Variants in ICA1 observed in about 807,000 individuals in gnomAD.
The protein encoded by ICA1 is 69 kDa islet cell autoantigen.
A neutral mutation model predicts 71.0 loss-of-function variants in ICA1; 40 were observed. That is an observed-to-expected ratio of 0.56 (90% CI 0.44 to 0.73). The LOEUF (loss-of-function observed/expected upper bound fraction) is 0.73. Among genes scored for constraint, ICA1 ranks in the 30% least tolerant of loss-of-function variants. The pLI is 0.00. For synonymous variants in ICA1, 207 were observed against 209.5 expected (o/e 0.99, Z 0.10); for missense variants, 578 against 576.5 (o/e 1.00, Z -0.03).
chr7:8,209,360 T>C (rs1194164341), intron 6 of ICA1, among the ~76,000 whole-genome samples: 1 of 152,234 alleles, frequency 6.6e-6, no homozygotes, highest in African/African-American at 2.4e-5. Flanking sequence ...GGATAGTTCC[T>C]CTACTTATAG....
At chr7:8,154,061 T>TA (rs373137867) in intron 8 of ICA1, among the ~76,000 whole-genome samples, 136 of 151,924 alleles carry the variant, frequency 9.0e-4, no homozygotes, top group African/African-American at 3.2e-3. Context: ...CTATTTATTA[T>TA]AAAAAAATTA....
intron 6 of ICA1, among the ~76,000 whole-genome samples, chr7:8,172,453 A>T (rs1337058853): frequency 1.3e-5 from 2 of 152,156 alleles, no homozygotes; most frequent in African/African-American, 2.4e-5. Context: ...TGTTTTGAAT[A>T]AATCTGTTTC....
intron 6 of ICA1, among the ~76,000 whole-genome samples, chr7:8,186,891 A>G (rs906366825): frequency 3.9e-5 from 6 of 152,212 alleles, no homozygotes; most frequent in Non-Finnish European, 8.8e-5. Flanking sequence ...AAGCTATTCA[A>G]TATCTCAGTA....
intron 4 of ICA1, among the ~76,000 whole-genome samples, chr7:8,221,607 A>T (rs1361712892): frequency 6.6e-6 from 1 of 152,164 alleles, no homozygotes; most frequent in African/African-American, 2.4e-5. Flanking sequence ...GATCAAATTC[A>T]CTTGAATACA....
chr7:8,258,882 C>T (rs1309774807), intron 1 of ICA1, among the ~76,000 whole-genome samples: 1 of 152,200 alleles, frequency 6.6e-6, no homozygotes, highest in Non-Finnish European at 1.5e-5. Context: ...ATCATGCCTG[C>T]AGTCCTTATC....
At chr7:8,245,464 C>G (rs532326060) in intron 1 of ICA1, among the ~76,000 whole-genome samples, 139 of 151,888 alleles carry the variant, frequency 9.2e-4, no homozygotes, top group Non-Finnish European at 1.6e-3. Flanking sequence ...ATTTAAATGA[C>G]AGGTTGATGG....
At chr7:8,129,966 T>G (rs1317779772) in intron 12 of ICA1, among the ~76,000 whole-genome samples, 1 of 110,790 alleles carries the variant, frequency 9.0e-6, no homozygotes, top group Admixed American at 9.8e-5. Context: ...TGGTTTTTTG[T>G]CCTTGGCGAT....
chr7:8,204,342 T>C (rs1790776941), intron 6 of ICA1, among the ~76,000 whole-genome samples: 1 of 152,254 alleles, frequency 6.6e-6, no homozygotes, highest in Non-Finnish European at 1.5e-5. Flanking sequence ...AGTTCACACG[T>C]ATGGCTATGG....
intron 7 of ICA1, chr7:8,157,458 C>CCATTCTCTT: frequency 4.3e-6 from 2 of 463,430 alleles, no homozygotes; most frequent in Non-Finnish European, 7.5e-6. Context: ...ATTCTCCTCT[C>CCATTCTCTT]CATTCTCTTT....
intron 6 of ICA1, among the ~76,000 whole-genome samples, chr7:8,202,877 TG>T (rs1369748519): frequency 8.3e-6 from 1 of 121,070 alleles, no homozygotes; most frequent in African/African-American, 3.1e-5. Context: ...ACCGCACGAA[TG>T]GGGGAAAATG....
chr7:8,155,478 G>T (rs1240752964), intron 8 of ICA1, among the ~76,000 whole-genome samples: 2 of 152,202 alleles, frequency 1.3e-5, no homozygotes, highest in Admixed American at 1.3e-4. Context: ...TTCCATGCTT[G>T]TGGCACAACT....
At chr7:8,238,221 A>G (rs1802511819) in intron 1 of ICA1, among the ~76,000 whole-genome samples, 2 of 152,100 alleles carry the variant, frequency 1.3e-5, no homozygotes, top group Non-Finnish European at 1.5e-5. Flanking sequence ...GAAACTGCCT[A>G]TTGTTTTCCA....
At chr7:8,215,887 A>C (rs1422172767) in intron 6 of ICA1, among the ~76,000 whole-genome samples, 1 of 152,194 alleles carries the variant, frequency 6.6e-6, no homozygotes, top group Non-Finnish European at 1.5e-5. Flanking sequence ...ATGACTCAGA[A>C]ACACGTTTAG....
At chr7:8,209,052 C>A (rs1563009537) in intron 6 of ICA1, among the ~76,000 whole-genome samples, 1 of 152,208 alleles carries the variant, frequency 6.6e-6, no homozygotes. Context: ...CCACCCAATA[C>A]ACCTAAACCT....
chr7:8,170,433 T>C (rs927947151), intron 6 of ICA1, among the ~76,000 whole-genome samples: 2 of 152,048 alleles, frequency 1.3e-5, no homozygotes, highest in African/African-American at 2.4e-5. Context: ...TTGGAAACAA[T>C]TGACATCTTA....
intron 6 of ICA1, among the ~76,000 whole-genome samples, chr7:8,198,175 C>G (rs1165228440): frequency 1.3e-5 from 2 of 152,176 alleles, no homozygotes; most frequent in Non-Finnish European, 2.9e-5. Context: ...CAAACATCCA[C>G]CCATCCTGCG....
At chr7:8,151,585 G>T (rs1250982060) in intron 8 of ICA1, among the ~76,000 whole-genome samples, 2 of 152,054 alleles carry the variant, frequency 1.3e-5, no homozygotes, top group Non-Finnish European at 2.9e-5. Flanking sequence ...TGTCTTGTTG[G>T]GACTGGTAAC....
At chr7:8,257,234 G>A (rs542456582) in intron 1 of ICA1, among the ~76,000 whole-genome samples, 2 of 152,218 alleles carry the variant, frequency 1.3e-5, no homozygotes, top group African/African-American at 4.8e-5. Flanking sequence ...TGACTAAGGA[G>A]AGGGGCACTA....
chr7:8,147,835 G>A lies in ICA1; in HGVS notation c.805-3863C>T, dbSNP rs148074695. ...TTGAATAATGTCATTTTGTTATAAT[G>A]TTGATGAGAAAAAAAAATGGATTTC... On this transcript the variant is annotated intron_variant, in intron 8 of 13. Coordinates refer to ENST00000402384, the MANE Select transcript of ICA1 (RefSeq NM_001136020.3). Among the ~76,000 whole-genome samples the A allele has an allele frequency of 4.6e-5, 7 of 152,074 alleles. No individual in the cohort carries two copies. In the East Asian group the frequency reaches 1.2e-3, roughly 25 times the overall value.
Sources: gnomAD v4.1 joint callset for allele counts (sites outside exome capture counted in the v4.1 genomes callset) on GRCh38, gnomAD v4.1.1 for gene constraint, MANE v1.5 for transcripts, NCBI Gene and HGNC (gene_info 2026-07-23, HGNC 2026-07-21) for gene names.